ZIM2: variants seen among roughly 807,000 people sequenced by gnomAD.
ZIM2 encodes zinc finger protein 656.
A neutral mutation model predicts 38.6 loss-of-function variants in ZIM2; 14 were observed. The ratio of observed to expected loss-of-function variants is 0.36; its 90% CI spans 0.24 to 0.57. The LOEUF (loss-of-function observed/expected upper bound fraction) is 0.57. Ranked by LOEUF, ZIM2 falls within the 20% of genes least tolerant of loss-of-function variation. ZIM2 has a pLI of 0.81. For synonymous variants in ZIM2, 247 were observed against 245.8 expected (o/e 1.00, Z -0.04); for missense variants, 680 against 695.1 (o/e 0.98, Z 0.24).
chr19:56,815,816 G>A (rs768742198), intron 9 of ZIM2: 5 of 1,613,276 alleles, frequency 3.1e-6, no homozygotes, highest in Admixed American at 1.7e-5. Context: ...TCTCTGGCAG[G>A]AATCTTCTGT....
chr19:56,831,548 A>G (rs1362375337), intron 2 of ZIM2, among the ~76,000 whole-genome samples: 1 of 152,254 alleles, frequency 6.6e-6, no homozygotes, highest in Non-Finnish European at 1.5e-5. Context: ...CTGGAAGGCT[A>G]AGGCCACTAG....
At chr19:56,812,858 T>C (rs768778215) in intron 9 of ZIM2, 8 of 985,572 alleles carry the variant, frequency 8.1e-6, no homozygotes, top group Non-Finnish European at 9.6e-6. Flanking sequence ...TGTAATATTT[T>C]TGCATGAGAA....
intron 1 of ZIM2, among the ~76,000 whole-genome samples, chr19:56,836,969 CAAAAAAAAAAAAAAA>C (rs573566620): frequency 1.9e-4 from 22 of 116,990 alleles, no homozygotes; most frequent in Middle Eastern, 4.6e-3. Flanking sequence ...GACTCTGTCT[CAAAAAAAAAAAAAAA>C]AAAAAAAAAA....
intron 1 of ZIM2, among the ~76,000 whole-genome samples, chr19:56,837,815 C>T (rs1005507397): frequency 5.3e-5 from 8 of 151,468 alleles, no homozygotes; most frequent in African/African-American, 1.9e-4. Context: ...CTGCGCAGTA[C>T]ACCTCTGCTG....
chr19:56,792,596 G>A (rs543118499), intron 9 of ZIM2, among the ~76,000 whole-genome samples: 2 of 150,744 alleles, frequency 1.3e-5, no homozygotes, highest in African/African-American at 2.4e-5. Context: ...CTTTAAGTGG[G>A]AGCTAAACAC....
intron 9 of ZIM2, among the ~76,000 whole-genome samples, chr19:56,802,408 GC>G (rs944896425): frequency 6.6e-6 from 1 of 152,142 alleles, no homozygotes; most frequent in Non-Finnish European, 1.5e-5. Context: ...AAAAGGGATG[GC>G]CCCAATGATT....
chr19:56,810,125 G>C (rs1156449199), intron 9 of ZIM2: 2 of 960,626 alleles, frequency 2.1e-6, no homozygotes, highest in Admixed American at 1.2e-4. Flanking sequence ...ATTACAGATA[G>C]AATGACCACA....
At chr19:56,812,523 C>T (rs2059606398) in intron 9 of ZIM2, 3 of 985,486 alleles carry the variant, frequency 3.0e-6, no homozygotes, top group Non-Finnish European at 3.6e-6. Context: ...AGCTCCTGGG[C>T]ACCTAGGGTG....
chr19:56,775,476 A>G lies in ZIM2; in HGVS notation c.889T>C (p.Leu297=), dbSNP rs2145816552. ...EPHQGNQEKL[L]TPITMNDPKT... ...GGGTCATTCATTGTTATAGGAGTCAAAAGTTTCTCTTGGTTGCCCTGGTGT... is the reference window on the plus strand; with the variant it reads ...GGGTCATTCATTGTTATAGGAGTCAGAAGTTTCTCTTGGTTGCCCTGGTGT... Residue 297 remains leucine (L), a synonymous_variant, in exon 13 of 13, where the codon TTG becomes CTG. Coordinates refer to ENST00000629319, the MANE Select transcript of ZIM2 (RefSeq NM_001387356.1). 2 of 1,613,918 alleles carry G rather than the reference A, an allele frequency of 1.2e-6. No individual in the cohort carries two copies. The highest frequency in any genetic ancestry group is 2.2e-5 in the East Asian group (1 of 44,856).
chr19:56,812,818 TA>T (rs11392622), intron 9 of ZIM2: 7,169 of 853,646 alleles, frequency 8.4e-3, no homozygotes, highest in Middle Eastern at 0.012. Context: ...TTGAGTTGGT[TA>T]AAAAAAAAAA....
intron 11 of ZIM2, among the ~76,000 whole-genome samples, chr19:56,781,068 A>G (rs1011772418): frequency 1.3e-5 from 2 of 152,200 alleles, no homozygotes; most frequent in African/African-American, 4.8e-5. Flanking sequence ...TTTTGATACT[A>G]TTCCCTCTAT....
At chr19:56,810,376 C>T in intron 9 of ZIM2, 2 of 985,248 alleles carry the variant, frequency 2.0e-6, no homozygotes, top group Non-Finnish European at 2.4e-6. Context: ...AACCATAATC[C>T]CACAACAACC....
intron 9 of ZIM2, chr19:56,816,212 C>T (rs764228367): frequency 6.2e-7 from 1 of 1,614,194 alleles, no homozygotes; most frequent in Non-Finnish European, 8.5e-7. Flanking sequence ...TCGTCCTCAT[C>T]ACTTTCAAGA....
At chr19:56,808,207 T>C (rs2047852041) in intron 9 of ZIM2, among the ~76,000 whole-genome samples, 1 of 152,134 alleles carries the variant, frequency 6.6e-6, no homozygotes, top group Non-Finnish European at 1.5e-5. Flanking sequence ...ACCAAAACCA[T>C]GCAGTGTGCT....
intron 1 of ZIM2, among the ~76,000 whole-genome samples, chr19:56,838,993 G>T (rs1001847313): frequency 3.4e-5 from 5 of 147,190 alleles, no homozygotes; most frequent in Non-Finnish European, 7.5e-5. Context: ...CGCATCTGCC[G>T]CCAACCAATC....
At chr19:56,780,583 T>C (rs1224421036) in intron 11 of ZIM2, among the ~76,000 whole-genome samples, 1 of 151,986 alleles carries the variant, frequency 6.6e-6, no homozygotes, top group Non-Finnish European at 1.5e-5. Flanking sequence ...ATCAACCCTA[T>C]AAATGGAAAC....
In ZIM2 at chr19:56,774,942, A is replaced by G. The variant is rs1263199595; in HGVS notation, c.1423T>C (p.Leu475=). 6.2e-7 allele frequency: 1 copy of G among 1,614,186 alleles called. No individual in the cohort carries two copies. Among genetic ancestry groups the G allele is most frequent in the Admixed American group, 1.7e-5 (1 of 60,026 alleles). ...HEAARVLPPG[L]SHSKTYLIRY... ...ATTAAGTATGTCTTGCTGTGGGACA[A>G]CCCAGGAGGAAGGACTCTTGCTGCC... Residue 475 remains leucine (L), a synonymous_variant, in exon 13 of 13, where the codon TTG becomes CTG. Transcript: ENST00000629319.
chr19:56,818,486 C>G (rs528472529), intron 8 of ZIM2, 114 bp downstream of exon 8: 11 of 1,102,888 alleles, frequency 1.0e-5, no homozygotes, highest in Admixed American at 2.5e-5. Flanking sequence ...TTTCTTATTA[C>G]CCTTGAAGTC....
rs183905600 is a variant in ZIM2, at chr19:56,815,520, A to G, written c.490+2226T>C. The G allele has an allele frequency of 4.3e-6, 7 of 1,614,080 alleles. No individual in the cohort carries two copies. The East Asian group carries it at 6.7e-5, about 15-fold the overall frequency. On this transcript the variant is annotated intron_variant, in intron 9 of 12. Transcript: ENST00000629319. ...CAGAGCTATGAGCAAAGCACTCCCC[A>G]CACTCCTGACATTCATAGAGCATCC...
Sources: allele counts gnomAD v4.1 joint callset (sites outside exome capture counted in the v4.1 genomes callset), GRCh38; gene constraint gnomAD v4.1.1; transcripts MANE v1.5; gene names NCBI Gene and HGNC (gene_info 2026-07-23, HGNC 2026-07-21).